PRKN: variants seen among roughly 807,000 people sequenced by gnomAD.
PRKN encodes parkin RBR E3 ubiquitin protein ligase.
PRKN carries 56 observed loss-of-function variants against 59.5 expected under a neutral mutation model. The ratio of observed to expected loss-of-function variants is 0.94; its 90% CI spans 0.76 to 1.18. The LOEUF (loss-of-function observed/expected upper bound fraction) is 1.18. Among genes scored for constraint, PRKN ranks in the 50% most tolerant of loss-of-function variants. PRKN has a pLI of 0.00. For missense variants in PRKN, 657 were observed against 596.4 expected (o/e 1.10, Z -1.06); for synonymous variants, 250 against 222.1 (o/e 1.13, Z -1.12).
chr6:161,834,390 T>C (rs2128219304), intron 6 of PRKN, among the ~76,000 whole-genome samples: 1 of 152,196 alleles, frequency 6.6e-6, no homozygotes, highest in Non-Finnish European at 1.5e-5. Flanking sequence ...ATATCTAATT[T>C]ACAGGAAAAA....
At chr6:161,624,607 T>G (rs1308475946) in intron 7 of PRKN, among the ~76,000 whole-genome samples, 1 of 152,218 alleles carries the variant, frequency 6.6e-6, no homozygotes, top group Non-Finnish European at 1.5e-5. Flanking sequence ...TGATCAATCA[T>G]GCAAGGTTAG....
At position 161,447,158 on chromosome 6, in the gene PRKN, C is replaced by T. The variant is rs1167491702; in HGVS notation, c.1084-60281G>A. Among the ~76,000 whole-genome samples the T allele has an allele frequency of 6.6e-6, 1 of 152,178 alleles. No homozygotes were observed. Among genetic ancestry groups the T allele is most frequent in the Non-Finnish European group, 1.5e-5 (1 of 68,030 alleles). Reference sequence around the variant, plus strand: ...AGCAACATCTTTCCTGCTACTAGGACAGTTAAGTCCCCCTGTGAAGTTAAC... The same window carrying T: ...AGCAACATCTTTCCTGCTACTAGGATAGTTAAGTCCCCCTGTGAAGTTAAC... On this transcript the variant is annotated intron_variant, in intron 9 of 11. Coordinates refer to ENST00000366898, the MANE Select transcript of PRKN (RefSeq NM_004562.3). The surrounding 1 kb of genome is among the most constrained non-coding windows in gnomAD (Gnocchi z 4.1).
intron 9 of PRKN, among the ~76,000 whole-genome samples, chr6:161,534,618 G>C (rs1456504717): frequency 6.6e-6 from 1 of 152,204 alleles, no homozygotes; most frequent in African/African-American, 2.4e-5. Flanking sequence ...GTTACGTGTT[G>C]CCATGCGGCT....
At chr6:162,179,750 G>T (rs1279802878) in intron 4 of PRKN, among the ~76,000 whole-genome samples, 1 of 152,092 alleles carries the variant, frequency 6.6e-6, no homozygotes, top group Admixed American at 6.6e-5. Flanking sequence ...CCCTAGAGTT[G>T]CCACTGGCTC....
At chr6:162,452,785 T>C (rs1470834706) in intron 1 of PRKN, among the ~76,000 whole-genome samples, 1 of 142,782 alleles carries the variant, frequency 7.0e-6, no homozygotes, top group African/African-American at 2.6e-5. Flanking sequence ...ACACTCCAAT[T>C]AAAAGGCAGG....
chr6:162,307,892 G>GTGT (rs1562657693), intron 2 of PRKN, among the ~76,000 whole-genome samples: 1 of 152,206 alleles, frequency 6.6e-6, no homozygotes, highest in Non-Finnish European at 1.5e-5. Flanking sequence ...GAGATCAAGA[G>GTGT]TGTTATACAG....
At chr6:161,780,506 C>T (rs1293663423) in intron 7 of PRKN, among the ~76,000 whole-genome samples, 2 of 152,142 alleles carry the variant, frequency 1.3e-5, no homozygotes, top group East Asian at 3.8e-4. Flanking sequence ...TCTTGTCAGT[C>T]ACCTTTCAGC....
chr6:162,229,597 C>CCT, intron 3 of PRKN, among the ~76,000 whole-genome samples: 1 of 152,264 alleles, frequency 6.6e-6, no homozygotes, highest in East Asian at 1.9e-4. Context: ...TGCCCCTGCC[C>CCT]CTCTCCCAGA....
At chr6:161,905,238 T>C (rs573060904) in intron 6 of PRKN, among the ~76,000 whole-genome samples, 10 of 152,306 alleles carry the variant, frequency 6.6e-5, no homozygotes, top group Admixed American at 3.3e-4. Flanking sequence ...GGAAGTGAAA[T>C]AGACACACTC....
rs1182811801 is a variant in PRKN at position 162,198,247 on chromosome 6, T to C, written c.534+2884A>G. Among the ~76,000 whole-genome samples the C allele has an allele frequency of 2.6e-5, 4 of 151,864 alleles. 1 individual carries two copies. The highest frequency in any genetic ancestry group is 3.9e-4 in the East Asian group (2 of 5,130). ...TGGTCACATGACTGGGCTTTGGAGATAGAGGTGGAGCCGAGACTACAAAAC... is the reference window on the plus strand; with the variant it reads ...TGGTCACATGACTGGGCTTTGGAGACAGAGGTGGAGCCGAGACTACAAAAC... On this transcript the variant is annotated intron_variant, in intron 4 of 11. Transcript: ENST00000366898.
intron 4 of PRKN, among the ~76,000 whole-genome samples, chr6:162,135,026 G>C (rs972451792): frequency 6.6e-6 from 1 of 152,126 alleles, no homozygotes; most frequent in Non-Finnish European, 1.5e-5. Context: ...ATAACACAGA[G>C]CATCCCACCT....
intron 2 of PRKN, among the ~76,000 whole-genome samples, chr6:162,302,049 T>C (rs1379232040): frequency 6.6e-6 from 1 of 152,150 alleles, no homozygotes; most frequent in African/African-American, 2.4e-5. Context: ...AATGGTTTGA[T>C]TTGGTTTGAA....
At chr6:161,829,520 G>T (rs1411927926) in intron 6 of PRKN, among the ~76,000 whole-genome samples, 1 of 152,152 alleles carries the variant, frequency 6.6e-6, no homozygotes, top group Non-Finnish European at 1.5e-5. Flanking sequence ...ATGTCAGACT[G>T]ACATGAATTG....
chr6:161,602,353 A>T (rs1782138649), intron 7 of PRKN, among the ~76,000 whole-genome samples: 1 of 152,232 alleles, frequency 6.6e-6, no homozygotes, highest in South Asian at 2.1e-4. Flanking sequence ...CCACAGAAAT[A>T]ATCTTACTAA....
chr6:161,431,518 T>A (rs2115053616), intron 9 of PRKN, among the ~76,000 whole-genome samples: 1 of 152,326 alleles, frequency 6.6e-6, no homozygotes, highest in South Asian at 2.1e-4. Context: ...AAGTGTTTAA[T>A]ATTTTCCACC....
intron 1 of PRKN, among the ~76,000 whole-genome samples, chr6:162,712,810 C>G (rs1778585459): frequency 6.6e-6 from 1 of 152,140 alleles, no homozygotes; most frequent in African/African-American, 2.4e-5. Flanking sequence ...TTCATGGAAG[C>G]AAGAGAAAAC....
Position 161,497,154 on chromosome 6 carries a change from T to C in PRKN, c.1083+51700A>G, listed in dbSNP as rs189892413. Among the ~76,000 whole-genome samples, 4 of 152,334 alleles carry C rather than the reference T, an allele frequency of 2.6e-5. No individual in the cohort carries two copies. The East Asian group carries it at 7.7e-4, about 29-fold the overall frequency. ...ACAGGCCAGGGCCAGGCGGCATTGC[T>C]GGCTAGTGGCCTGCAGGAGGGGCAC... On this transcript the variant is annotated intron_variant, in intron 9 of 11. Coordinates refer to ENST00000366898, the MANE Select transcript of PRKN (RefSeq NM_004562.3). The surrounding 1 kb of genome is among the most constrained non-coding windows in gnomAD (Gnocchi z 4.6).
At chr6:161,817,352 A>C (rs1791827927) in intron 6 of PRKN, among the ~76,000 whole-genome samples, 1 of 152,226 alleles carries the variant, frequency 6.6e-6, no homozygotes, top group Non-Finnish European at 1.5e-5. Flanking sequence ...GAGAGTAAAC[A>C]GGGCCACGTG....
At chr6:161,880,948 C>G (rs1794913277) in intron 6 of PRKN, among the ~76,000 whole-genome samples, 2 of 152,178 alleles carry the variant, frequency 1.3e-5, no homozygotes, top group African/African-American at 4.8e-5. Context: ...TTAACTCAAA[C>G]AGTACCTCCA....
Sources: gnomAD v4.1 joint callset for allele counts (sites outside exome capture counted in the v4.1 genomes callset) on GRCh38, gnomAD v4.1.1 for gene constraint, Gnocchi (gnomAD v3.1) non-coding constraint, MANE v1.5 for transcripts, NCBI Gene and HGNC (gene_info 2026-07-23, HGNC 2026-07-21) for gene names.